NELL1: variants seen among roughly 807,000 people sequenced by gnomAD.
NELL1 encodes the protein neural EGFL like 1.
In NELL1, 76 loss-of-function variants were observed where a neutral mutation model predicts 107.4. The ratio of observed to expected loss-of-function variants is 0.71; its 90% CI spans 0.59 to 0.86. NELL1 has a LOEUF of 0.86. Ranked by LOEUF, NELL1 falls within the 40% of genes least tolerant of loss-of-function variation. The probability of loss-of-function intolerance (pLI) is 0.00; values close to 1 mark genes in which losing one functional copy is unlikely to be tolerated. For synonymous variants in NELL1, 353 were observed against 341.2 expected (o/e 1.03, Z -0.38); for missense variants, 1,024 against 1,005.5 (o/e 1.02, Z -0.25).
intron 11 of NELL1, among the ~76,000 whole-genome samples, chr11:20,954,644 C>T (rs1851134507): frequency 6.6e-6 from 1 of 152,158 alleles, no homozygotes; most frequent in African/African-American, 2.4e-5. Flanking sequence ...ACTATTCACT[C>T]ACTTGTGCAG....
At chr11:21,403,502 A>C (rs993053041) in intron 15 of NELL1, among the ~76,000 whole-genome samples, 1 of 138,668 alleles carries the variant, frequency 7.2e-6, no homozygotes, top group Non-Finnish European at 1.6e-5. Flanking sequence ...TCATATCTGG[A>C]TGAGTTTCAT....
At chr11:21,277,895 G>C (rs1291120166) in intron 14 of NELL1, among the ~76,000 whole-genome samples, 1 of 152,142 alleles carries the variant, frequency 6.6e-6, no homozygotes, top group Non-Finnish European at 1.5e-5. Flanking sequence ...ACCGGGGCCT[G>C]TTGTGGGGTG....
intron 12 of NELL1, among the ~76,000 whole-genome samples, chr11:21,021,647 T>C (rs1020254563): frequency 5.3e-5 from 8 of 152,092 alleles, no homozygotes; most frequent in Admixed American, 1.3e-4. Context: ...ACTTGGCCTC[T>C]TGTTTTCTTG....
intron 14 of NELL1, among the ~76,000 whole-genome samples, chr11:21,264,033 A>G (rs1293105552): frequency 1.4e-5 from 2 of 147,486 alleles, no homozygotes; most frequent in East Asian, 4.0e-4. Flanking sequence ...TTGCCTAATT[A>G]CCAGCTTCTC....
At chr11:21,423,501 A>C (rs1019552268) in intron 15 of NELL1, among the ~76,000 whole-genome samples, 3 of 152,186 alleles carry the variant, frequency 2.0e-5, no homozygotes, top group African/African-American at 7.2e-5. Context: ...ACAGAATTAT[A>C]AGAAGAAATA....
At chr11:20,806,413 T>C (rs546440031) in intron 3 of NELL1, among the ~76,000 whole-genome samples, 2 of 152,282 alleles carry the variant, frequency 1.3e-5, no homozygotes, top group African/African-American at 4.8e-5. Context: ...CCAGATGTAT[T>C]GGAGCTCCAT....
At chr11:20,688,352 C>T (rs1277620792) in intron 2 of NELL1, among the ~76,000 whole-genome samples, 1 of 152,012 alleles carries the variant, frequency 6.6e-6, no homozygotes, top group Non-Finnish European at 1.5e-5. Context: ...GGATAGTACC[C>T]AGTGGTTTTT....
intron 18 of NELL1, among the ~76,000 whole-genome samples, chr11:21,571,641 G>A (rs1015768701): frequency 1.5e-4 from 23 of 151,764 alleles, no homozygotes; most frequent in African/African-American, 5.6e-4. Context: ...AAAAAATGAA[G>A]GTTGTTATAA....
chr11:20,899,314 G>C (rs1357969120), intron 5 of NELL1, among the ~76,000 whole-genome samples: 2 of 152,108 alleles, frequency 1.3e-5, no homozygotes, highest in African/African-American at 4.8e-5. Context: ...AGTTACGTTA[G>C]AAATAAATAG....
At chr11:21,419,251 G>A (rs935611834) in intron 15 of NELL1, among the ~76,000 whole-genome samples, 1 of 152,080 alleles carries the variant, frequency 6.6e-6, no homozygotes, top group African/African-American at 2.4e-5. Context: ...TGAGAGAAGT[G>A]GGGAGCTATG....
chr11:20,782,211 T>C (rs985291296), intron 2 of NELL1, among the ~76,000 whole-genome samples: 1 of 152,206 alleles, frequency 6.6e-6, no homozygotes, highest in Non-Finnish European at 1.5e-5. Flanking sequence ...AGATGCTATC[T>C]CTTTTCTCAA....
At chr11:21,560,411 G>A in intron 17 of NELL1, 29 bp downstream of exon 17, 1 of 1,527,810 alleles carries the variant, frequency 6.5e-7, no homozygotes, top group African/African-American at 1.4e-5. Flanking sequence ...AGCAGAAATT[G>A]AAACTGTTCT....
At chr11:21,551,420 A>G (rs1856580220) in intron 16 of NELL1, among the ~76,000 whole-genome samples, 1 of 152,018 alleles carries the variant, frequency 6.6e-6, no homozygotes, top group African/African-American at 2.4e-5. Context: ...GTCTTGTGCC[A>G]GTTTTCAAAG....
intron 18 of NELL1, among the ~76,000 whole-genome samples, chr11:21,571,323 A>C (rs1355833656): frequency 1.3e-5 from 2 of 151,870 alleles, no homozygotes; most frequent in Non-Finnish European, 2.9e-5. Context: ...AAGAGGTAAC[A>C]AAACATAGTA....
chr11:20,851,545 C>T (rs1227987155), intron 4 of NELL1, among the ~76,000 whole-genome samples: 1 of 152,182 alleles, frequency 6.6e-6, no homozygotes, highest in Non-Finnish European at 1.5e-5. Flanking sequence ...TTCACCCTCT[C>T]CCTTCTCAGC....
At chr11:21,276,611 CA>C (rs1848868458) in intron 14 of NELL1, among the ~76,000 whole-genome samples, 1 of 152,090 alleles carries the variant, frequency 6.6e-6, no homozygotes, top group African/African-American at 2.4e-5. Context: ...GCCAAAAGAA[CA>C]AAGCTGGAGG....
At chr11:21,263,752 AAATT>A (rs1310927645) in intron 14 of NELL1, among the ~76,000 whole-genome samples, 1 of 151,896 alleles carries the variant, frequency 6.6e-6, no homozygotes, top group African/African-American at 2.4e-5. Flanking sequence ...GGTGCAAAAC[AAATT>A]GTTTCTTGGC....
chr11:21,071,268 G>T (rs1351180358), intron 12 of NELL1, among the ~76,000 whole-genome samples: 2 of 152,154 alleles, frequency 1.3e-5, no homozygotes, highest in African/African-American at 2.4e-5. Context: ...TTGGAGAAGG[G>T]ATCACCTCTG....
At chr11:20,721,179 G>GTATATATATATATATATATATATA (rs1368182153) in intron 2 of NELL1, among the ~76,000 whole-genome samples, 155 of 31,932 alleles carry the variant, frequency 4.9e-3, no homozygotes, top group Admixed American at 0.021. Flanking sequence ...TATATATTTT[G>GTATATATATATATATATATATATA]TGTATATATA....
Sources: allele counts gnomAD v4.1 joint callset (sites outside exome capture counted in the v4.1 genomes callset), GRCh38; gene constraint gnomAD v4.1.1; transcripts MANE v1.5; gene names NCBI Gene and HGNC (gene_info 2026-07-23, HGNC 2026-07-21).